SOX5: variants seen among roughly 807,000 people sequenced by gnomAD.
The protein encoded by SOX5 is transcription factor SOX-5.
In SOX5, 9 loss-of-function variants were observed where a neutral mutation model predicts 92.0. The ratio of observed to expected loss-of-function variants is 0.10; its 90% confidence interval spans 0.06 to 0.17. The LOEUF is 0.17. Among genes scored for constraint, SOX5 ranks in the 10% least tolerant of loss-of-function variants. The pLI is 1.00. For missense variants in SOX5, 642 were observed against 944.5 expected, an observed-to-expected ratio of 0.68 and a Z score of 4.20; for synonymous variants, 344 against 336.3, an observed-to-expected ratio of 1.02 and a Z score of -0.25.
rs1485322099 is a variant in SOX5, at chr12:24,126,797, T to C, written c.-2+86546A>G. Among the ~76,000 whole-genome samples, 13 of 152,144 alleles carry C rather than the reference T, an allele frequency of 8.5e-5. No individual in the cohort carries two copies. In the East Asian group the frequency reaches 2.5e-3, roughly 29 times the overall value. On this transcript the variant is annotated intron_variant, in intron 4 of 4. Transcript: ENST00000446891. ...TTGGTCTCTGCTGCCCTCGGGACTC[T>C]AGTATGCTGCTCTTTCTGGGGTCAC...
chr12:23,965,289 G>A (rs954663667), intron 4 of SOX5, among the ~76,000 whole-genome samples: 15 of 152,160 alleles, frequency 9.9e-5, no homozygotes, highest in Admixed American at 6.5e-5. Context: ...CCATGTGTCT[G>A]GGCACTCCTG....
chr12:23,555,610 T>C (rs1945023945), intron 11 of SOX5, among the ~76,000 whole-genome samples: 1 of 152,138 alleles, frequency 6.6e-6, no homozygotes, highest in African/African-American at 2.4e-5. Flanking sequence ...AAGCAGGCTA[T>C]ACTAAGAGAA....
chr12:24,079,808 C>A (rs931934148), intron 4 of SOX5, among the ~76,000 whole-genome samples: 12 of 151,744 alleles, frequency 7.9e-5, no homozygotes, highest in African/African-American at 2.9e-4. Context: ...TTTTGAGATA[C>A]CTGATTTTTA....
chr12:24,236,845 C>T lies in SOX5; in HGVS notation c.-76-23428G>A, dbSNP rs77316932. On this transcript the variant is annotated intron_variant, in intron 3 of 4. Coordinates refer to the SOX5 transcript ENST00000446891. ...CATGAGTGCAGGTGAAAGTAATAAA[C>T]ACGTGGGGGCACTGAGTGAAAGGTC... Among the ~76,000 whole-genome samples the T allele has an allele frequency of 1.2e-3, 176 of 151,808 alleles. 3 individuals are homozygous for T. In the East Asian group the frequency reaches 0.033, roughly 28 times the overall value.
At chr12:23,694,669 C>A (rs978587068) in intron 6 of SOX5, among the ~76,000 whole-genome samples, 22 of 152,096 alleles carry the variant, frequency 1.4e-4, no homozygotes, top group Non-Finnish European at 2.9e-4. Flanking sequence ...ACCACAAACA[C>A]CCTGTACTCA....
intron 10 of SOX5, among the ~76,000 whole-genome samples, chr12:23,567,028 G>GAC (rs1441328351): frequency 1.3e-5 from 2 of 152,188 alleles, no homozygotes; most frequent in Non-Finnish European, 2.9e-5. Context: ...AAAGATGTTA[G>GAC]ACTCCTTTCT....
intron 4 of SOX5, among the ~76,000 whole-genome samples, chr12:24,030,362 G>T (rs1955363747): frequency 6.6e-6 from 1 of 151,512 alleles, no homozygotes; most frequent in African/African-American, 2.4e-5. Flanking sequence ...AGACCAATGG[G>T]GCATCATAGA....
intron 6 of SOX5, among the ~76,000 whole-genome samples, chr12:23,726,174 A>AGAGAGAGAGAGAGG (rs2093121487): frequency 9.8e-6 from 1 of 101,782 alleles, no homozygotes; most frequent in Non-Finnish European, 2.0e-5. Flanking sequence ...AGAGAGAGAG[A>AGAGAGAGAGAGAGG]GGTCAGTTTC....
chr12:23,678,882 G>T (rs569942305), intron 6 of SOX5, among the ~76,000 whole-genome samples: 3 of 151,604 alleles, frequency 2.0e-5, no homozygotes, highest in South Asian at 2.1e-4. Flanking sequence ...TAAATCTTAC[G>T]TATCAAAATA....
intron 3 of SOX5, among the ~76,000 whole-genome samples, chr12:23,775,586 T>C (rs2095072517): frequency 6.6e-6 from 1 of 152,214 alleles, no homozygotes; most frequent in Non-Finnish European, 1.5e-5. Context: ...TTATTTGAAC[T>C]TAGAATGTTA....
intron 3 of SOX5, among the ~76,000 whole-genome samples, chr12:23,779,788 A>AATATATAT (rs1172787679): frequency 0.052 from 5,694 of 109,942 alleles, 224 homozygotes; most frequent in East Asian, 0.11. Context: ...CACAGATTAA[A>AATATATAT]ATATATATAT....
chr12:24,420,716 T>G (rs1221854713), intron 1 of SOX5, among the ~76,000 whole-genome samples: 1 of 152,172 alleles, frequency 6.6e-6, no homozygotes, highest in Non-Finnish European at 1.5e-5. Flanking sequence ...ATGATATAAT[T>G]AGGTTATTTC....
intron 1 of SOX5, among the ~76,000 whole-genome samples, chr12:24,519,981 T>C (rs1461915098): frequency 6.6e-6 from 1 of 151,998 alleles, no homozygotes; most frequent in Non-Finnish European, 1.5e-5. Flanking sequence ...ATAAGCAGAT[T>C]TCTCAGCAGA....
chr12:23,925,412 G>T (rs1939672290), intron 1 of SOX5, among the ~76,000 whole-genome samples: 2 of 152,008 alleles, frequency 1.3e-5, no homozygotes, highest in African/African-American at 4.8e-5. Context: ...ATCAACTTCT[G>T]TAATACTCCT....
chr12:23,621,789 G>A (rs1271161167), intron 8 of SOX5, among the ~76,000 whole-genome samples: 1 of 152,100 alleles, frequency 6.6e-6, no homozygotes, highest in Non-Finnish European at 1.5e-5. Flanking sequence ...TGAAACAAGA[G>A]CTATGAGATC....
intron 6 of SOX5, among the ~76,000 whole-genome samples, chr12:23,720,664 GT>G (rs1443504532): frequency 6.6e-6 from 1 of 151,984 alleles, no homozygotes; most frequent in Non-Finnish European, 1.5e-5. Context: ...TGTTGTTAAA[GT>G]TTTTTATATG....
chr12:23,621,049 A>G (rs948608318), intron 8 of SOX5, among the ~76,000 whole-genome samples: 10 of 152,232 alleles, frequency 6.6e-5, no homozygotes, highest in African/African-American at 1.9e-4. Context: ...ACTACATATT[A>G]GTTATGATTA....
At chr12:23,941,553 C>T (rs943357962) in intron 1 of SOX5, among the ~76,000 whole-genome samples, 3 of 151,500 alleles carry the variant, frequency 2.0e-5, no homozygotes, top group African/African-American at 7.3e-5. Context: ...AGAAGTTCTA[C>T]TCTCAGGAAT....
chr12:24,529,774 C>T (rs954803202), intron 1 of SOX5, among the ~76,000 whole-genome samples: 1 of 152,180 alleles, frequency 6.6e-6, no homozygotes, highest in African/African-American at 2.4e-5. Flanking sequence ...AATCCCGGCA[C>T]TTCAGGAGGC....
Sources: allele counts gnomAD v4.1 joint callset (sites outside exome capture counted in the v4.1 genomes callset), GRCh38; gene constraint gnomAD v4.1.1; transcripts MANE v1.5; gene names NCBI Gene and HGNC (gene_info 2026-07-23, HGNC 2026-07-21).